LRP12: variants seen among roughly 807,000 people sequenced by gnomAD.
LRP12 encodes the protein LDL receptor related protein 12, also known as low-density lipoprotein receptor-related protein 12.
In LRP12, 14 loss-of-function variants were observed where a neutral mutation model predicts 66.0. The observed-to-expected ratio is 0.21, with a 90% CI of 0.14 to 0.33. LRP12 has a LOEUF of 0.33. Among genes scored for constraint, LRP12 ranks in the 10% least tolerant of loss-of-function variants. The pLI is 1.00. For synonymous variants in LRP12, 357 were observed against 359.1 expected, an observed-to-expected ratio of 0.99 and a Z score of 0.07; for missense variants, 889 against 1,053.4, an observed-to-expected ratio of 0.84 and a Z score of 2.16.
At chr8:104,584,140 G>A (rs1056942291) in intron 1 of LRP12, among the ~76,000 whole-genome samples, 4 of 151,924 alleles carry the variant, frequency 2.6e-5, no homozygotes, top group African/African-American at 4.8e-5. Context: ...AAAGCAGGGA[G>A]TGATAAGGAG....
chr8:104,548,035 T>C (rs1588500592), intron 1 of LRP12, among the ~76,000 whole-genome samples: 1 of 122,062 alleles, frequency 8.2e-6, no homozygotes, highest in Non-Finnish European at 1.6e-5. Flanking sequence ...GTATATAATA[T>C]ATAATTCTGT....
chr8:104,511,818 C>T lies in LRP12; in HGVS notation c.137-2744G>A, dbSNP rs1811003493. On this transcript the variant is annotated intron_variant, in intron 2 of 6. Coordinates refer to ENST00000276654, the MANE Select transcript of LRP12 (RefSeq NM_013437.5). ...AAGGGCATCTGTTTTGAATCGCTTTCAGAACAGATTCATGGCATACAGCAC... is the reference window on the plus strand; with the variant it reads ...AAGGGCATCTGTTTTGAATCGCTTTTAGAACAGATTCATGGCATACAGCAC... 3.3e-5 allele frequency among the ~76,000 whole-genome samples: 5 copies of T among 152,026 alleles called. No individual in the cohort carries two copies. In the South Asian group the frequency reaches 1.0e-3, roughly 31 times the overall value.
At chr8:104,551,987 A>G (rs1477208584) in intron 1 of LRP12, among the ~76,000 whole-genome samples, 1 of 152,230 alleles carries the variant, frequency 6.6e-6, no homozygotes, top group Admixed American at 6.5e-5. Flanking sequence ...TTGGTTTCAT[A>G]TGATACTGTA....
intron 2 of LRP12, among the ~76,000 whole-genome samples, chr8:104,520,198 A>G (rs1811126385): frequency 2.0e-5 from 3 of 152,040 alleles, no homozygotes; most frequent in Non-Finnish European, 4.4e-5. Flanking sequence ...TTTGCTAACA[A>G]TGCATAACGT....
chr8:104,491,753 T>C (rs560034718), intron 6 of LRP12, among the ~76,000 whole-genome samples: 3 of 152,320 alleles, frequency 2.0e-5, no homozygotes, highest in Admixed American at 2.0e-4. Context: ...AATCATTGTT[T>C]GTTTAAACTT....
At chr8:104,562,515 T>C (rs1212340385) in intron 1 of LRP12, among the ~76,000 whole-genome samples, 1 of 152,162 alleles carries the variant, frequency 6.6e-6, no homozygotes. Context: ...AGATCAACAT[T>C]TCTACTTATC....
chr8:104,494,607 C>G (rs1018339053), intron 6 of LRP12, among the ~76,000 whole-genome samples: 1 of 152,060 alleles, frequency 6.6e-6, no homozygotes, highest in Non-Finnish European at 1.5e-5. Flanking sequence ...TAATGAATTA[C>G]TATATAAACA....
intron 1 of LRP12, among the ~76,000 whole-genome samples, chr8:104,542,511 T>C (rs1045458850): frequency 6.6e-6 from 1 of 152,232 alleles, no homozygotes. Flanking sequence ...CAGGACAGTC[T>C]AATTTACCTA....
At chr8:104,584,884 A>C (rs1812306046) in intron 1 of LRP12, among the ~76,000 whole-genome samples, 1 of 152,234 alleles carries the variant, frequency 6.6e-6, no homozygotes, top group Non-Finnish European at 1.5e-5. Context: ...CCTTTCTAAA[A>C]TTGGAATTTC....
rs11350393 is a variant in LRP12 at position 104,511,030 on chromosome 8, C to CTT, written c.137-1958_137-1957dup. On this transcript the variant is annotated intron_variant, in intron 2 of 6. Coordinates refer to ENST00000276654, the MANE Select transcript of LRP12 (RefSeq NM_013437.5). ...TTACAATTGTAATTTGGAAAAATGA[C>CTT]TTTTTTTTTTTTTTTTTTTTTTTTT... Among the ~76,000 whole-genome samples the CTT allele has an allele frequency of 8.0e-3, 435 of 54,362 alleles. 38 individuals carry two copies. Among genetic ancestry groups the CTT allele is most frequent in the African/African-American group, 0.029 (395 of 13,806 alleles). 35.7% of individuals were successfully genotyped at this position (54,362 alleles called of 152,430 possible). A position where few individuals can be genotyped will look rare whatever the true frequency, so the allele number is the denominator to read the frequency against.
intron 1 of LRP12, among the ~76,000 whole-genome samples, chr8:104,545,511 T>C (rs1475138764): frequency 1.3e-5 from 2 of 152,108 alleles, no homozygotes; most frequent in African/African-American, 4.8e-5. Flanking sequence ...TTTTAAGAAA[T>C]TGCTACAGCT....
rs188797725 is a variant in LRP12 at position 104,567,859 on chromosome 8, C to A, written c.79+20960G>T. Among the ~76,000 whole-genome samples, 35 of 152,278 alleles carry A rather than the reference C, an allele frequency of 2.3e-4. 1 individual carries two copies. Among genetic ancestry groups the A allele is most frequent in the Admixed American group, 2.2e-3 (34 of 15,298 alleles). ...GACAATTCTTGACAAATATGCTCTA[C>A]AGATTCCATGCAATCCCTATCAAAA... On this transcript the variant is annotated intron_variant, in intron 1 of 6. Transcript: ENST00000276654.
chr8:104,528,772 C>T (rs1811283825), intron 2 of LRP12, among the ~76,000 whole-genome samples: 1 of 148,522 alleles, frequency 6.7e-6, no homozygotes, highest in African/African-American at 2.6e-5. Context: ...GAGTGAGACT[C>T]CATCTCAAAA....
At chr8:104,570,980 A>C (rs1036624116) in intron 1 of LRP12, among the ~76,000 whole-genome samples, 3 of 152,240 alleles carry the variant, frequency 2.0e-5, no homozygotes, top group African/African-American at 7.2e-5. Context: ...CAATATCATT[A>C]GCCATTAAAA....
chr8:104,528,938 A>C lies in LRP12; in HGVS notation c.136+2969T>G, dbSNP rs186077089. 4.1e-3 allele frequency among the ~76,000 whole-genome samples: 625 copies of C among 152,254 alleles called. 4 individuals are homozygous for C. The highest frequency in any genetic ancestry group is 0.015 in the African/African-American group (608 of 41,562). Reference sequence around the variant, plus strand: ...TTTTGTAAGATGAGACTTTAGAAAAAATAAGCCATGAATAAGGTTTTACTC... The same window carrying C: ...TTTTGTAAGATGAGACTTTAGAAAACATAAGCCATGAATAAGGTTTTACTC... On this transcript the variant is annotated intron_variant, in intron 2 of 6. Transcript: ENST00000276654.
chr8:104,528,757 A>G (rs557501253), intron 2 of LRP12, among the ~76,000 whole-genome samples: 57 of 151,548 alleles, frequency 3.8e-4, no homozygotes, highest in Admixed American at 7.9e-4. Context: ...CCTGGCCAAC[A>G]GAGAGAGTGA....
intron 1 of LRP12, among the ~76,000 whole-genome samples, chr8:104,552,910 A>G (rs1811750008): frequency 1.3e-5 from 2 of 152,170 alleles, no homozygotes; most frequent in Admixed American, 1.3e-4. Context: ...ATAGCCAAAA[A>G]CTGTGAGTGC....
At chr8:104,491,973 T>C (rs1810639726) in intron 6 of LRP12, among the ~76,000 whole-genome samples, 1 of 151,372 alleles carries the variant, frequency 6.6e-6, no homozygotes, top group South Asian at 2.1e-4. Flanking sequence ...AGGACTTTTA[T>C]CTTTTTTTTT....
chr8:104,518,806 T>C (rs962060797), intron 2 of LRP12, among the ~76,000 whole-genome samples: 1 of 151,914 alleles, frequency 6.6e-6, no homozygotes. Context: ...GTAAGATGCT[T>C]AGGGCAAGGA....
Sources: allele counts gnomAD v4.1 joint callset (sites outside exome capture counted in the v4.1 genomes callset), GRCh38; gene constraint gnomAD v4.1.1; transcripts MANE v1.5; gene names NCBI Gene and HGNC (gene_info 2026-07-23, HGNC 2026-07-21).